Variants in IQUB observed in about 807,000 individuals in gnomAD.
The protein encoded by IQUB is IQ motif and ubiquitin-like domain-containing protein.
A neutral mutation model predicts 86.4 loss-of-function variants in IQUB; 86 were observed. That is an observed-to-expected ratio of 1.00 (90% CI 0.84 to 1.19). IQUB has a LOEUF of 1.19. Among genes scored for constraint, IQUB ranks in the 50% most tolerant of loss-of-function variants. IQUB has a pLI of 0.00. For missense variants in IQUB, 946 were observed against 916.9 expected (o/e 1.03, Z -0.41); for synonymous variants, 289 against 304.5 (o/e 0.95, Z 0.53).
At chr7:123,475,352 T>C (rs1370495404) in intron 8 of IQUB, among the ~76,000 whole-genome samples, 1 of 149,210 alleles carries the variant, frequency 6.7e-6, no homozygotes, top group African/African-American at 2.5e-5. Context: ...GTAAACAGAA[T>C]TTTAAAATTT....
At chr7:123,459,856 CA>C (rs1755482732) in intron 11 of IQUB, 1 of 151,860 alleles carries the variant, frequency 6.6e-6, no homozygotes, top group Admixed American at 6.6e-5. Context: ...AAATAAACAT[CA>C]AATTTATTAA....
intron 3 of IQUB, among the ~76,000 whole-genome samples, chr7:123,505,140 G>A (rs1156355483): frequency 1.3e-5 from 2 of 152,198 alleles, no homozygotes; most frequent in Admixed American, 6.5e-5. Flanking sequence ...ACAGGCCACA[G>A]TGATGCAAGG....
chr7:123,465,974 G>A (rs1474710604), intron 9 of IQUB, among the ~76,000 whole-genome samples: 1 of 151,810 alleles, frequency 6.6e-6, no homozygotes, highest in African/African-American at 2.4e-5. Flanking sequence ...AAAATTCACT[G>A]GTCTGTATTA....
Position 123,479,881 on chromosome 7 carries a change from T to C in IQUB, c.1324A>G (p.Thr442Ala), listed in dbSNP as rs111558568. 7.4e-6 allele frequency: 12 copies of C among 1,612,966 alleles called. No individual in the cohort carries two copies. The Admixed American group carries it at 2.0e-4, about 27-fold the overall frequency. Residue 442 changes from threonine (T) to alanine (A), a missense_variant, in exon 8 of 13, where the codon ACT becomes GCT. Thr to Ala is a moderately conservative substitution (Grantham distance 58). Transcript: ENST00000324698. ...AALCELLEKE[T>A]QIIASIGRHR... The stretch of plus-strand genomic sequence containing the variant: ...CTCCCAATGGAAGCAATTATCTGAG[T>C]CTCTTTTTCCAGAAGTTCACACAGA...
intron 8 of IQUB, among the ~76,000 whole-genome samples, chr7:123,473,707 C>T (rs190900193): frequency 1.5e-4 from 22 of 150,560 alleles, no homozygotes; most frequent in Admixed American, 1.2e-3. Flanking sequence ...TCCCGAGTAG[C>T]TGGGATTACA....
At position 123,469,397 on chromosome 7, in the gene IQUB, A is replaced by C. The variant is rs1794424072; in HGVS notation, c.1411-13T>G. 1 of 1,482,872 alleles carries C rather than the reference A, an allele frequency of 6.7e-7. No homozygotes were observed. Among genetic ancestry groups the C allele is most frequent in the South Asian group, 1.3e-5 (1 of 74,644 alleles). The allele number at this position is 1,482,872 out of a possible 1,614,324, so 91.9% of individuals were successfully genotyped here. A position where few individuals can be genotyped will look rare whatever the true frequency, so the allele number is the denominator to read the frequency against. Reference sequence around the variant, plus strand: ...TTGGAGCTGAACACTTAAAAATAATATTATGTTTATAATTATCAGTTAATT... The same window carrying C: ...TTGGAGCTGAACACTTAAAAATAATCTTATGTTTATAATTATCAGTTAATT... On this transcript the variant is annotated splice_polypyrimidine_tract_variant and intron_variant, in intron 8 of 12. Coordinates refer to ENST00000324698, the MANE Select transcript of IQUB (RefSeq NM_178827.5).
intron 1 of IQUB, among the ~76,000 whole-genome samples, chr7:123,524,775 T>A (rs1368148190): frequency 1.3e-5 from 2 of 148,322 alleles, no homozygotes; most frequent in African/African-American, 2.5e-5. Flanking sequence ...CCCTGTCTTG[T>A]GCCAGTTTTC....
Position 123,529,420 on chromosome 7 carries a change from C to G in IQUB, c.-5+5072G>C, listed in dbSNP as rs992165346. Among the ~76,000 whole-genome samples the G allele has an allele frequency of 3.3e-5, 5 of 151,256 alleles. No individual in the cohort carries two copies. In the South Asian group the frequency reaches 6.2e-4, roughly 19 times the overall value. On this transcript the variant is annotated intron_variant, in intron 1 of 12. Coordinates refer to ENST00000324698, the MANE Select transcript of IQUB (RefSeq NM_178827.5). ...ACTTCACAGTAACTTCTTTGCAAGG[C>G]TAAGCCACATGGTAGTCAACTGTTG...
In IQUB at chr7:123,502,589, T is replaced by C. The variant is rs1404861048; in HGVS notation, c.1023+8A>G. ...TTTAGTATTCATCCACAATAAAAGT[T>C]ATCTCACCGCCTTTAGTCTTTGAGC... On this transcript the variant is annotated splice_region_variant and intron_variant, in intron 6 of 12. Transcript: ENST00000324698. 1.2e-6 allele frequency: 2 copies of C among 1,607,714 alleles called. No homozygotes were observed. Among genetic ancestry groups the C allele is most frequent in the East Asian group, 2.2e-5 (1 of 44,800 alleles).
chr7:123,482,268 A>G (rs2117088836), intron 7 of IQUB, among the ~76,000 whole-genome samples: 1 of 152,204 alleles, frequency 6.6e-6, no homozygotes, highest in Non-Finnish European at 1.5e-5. Context: ...AAAATGCATT[A>G]ATCTAAGACA....
chr7:123,494,707 T>A (rs998452786), intron 7 of IQUB, among the ~76,000 whole-genome samples: 1 of 152,138 alleles, frequency 6.6e-6, no homozygotes, highest in Non-Finnish European at 1.5e-5. Context: ...TAGGTCCTTG[T>A]ACTTTTTGAA....
intron 1 of IQUB, among the ~76,000 whole-genome samples, chr7:123,527,075 T>C (rs1481935141): frequency 6.6e-6 from 1 of 152,230 alleles, no homozygotes. Context: ...TCATCTTCCA[T>C]CGCTGATACC....
chr7:123,500,109 A>T (rs553895725), intron 6 of IQUB, among the ~76,000 whole-genome samples: 1 of 152,238 alleles, frequency 6.6e-6, no homozygotes, highest in Non-Finnish European at 1.5e-5. Context: ...TTAGCATATC[A>T]TCAAGAAATA....
chr7:123,460,576 T>C (rs1793931835), intron 11 of IQUB, among the ~76,000 whole-genome samples: 1 of 151,958 alleles, frequency 6.6e-6, no homozygotes, highest in Non-Finnish European at 1.5e-5. Flanking sequence ...TTGTGCTCTA[T>C]AATATACTTT....
chr7:123,498,571 T>G (rs1795806357), intron 6 of IQUB, among the ~76,000 whole-genome samples: 1 of 152,214 alleles, frequency 6.6e-6, no homozygotes, highest in African/African-American at 2.4e-5. Flanking sequence ...CACAGTTGTT[T>G]AAACAACACA....
chr7:123,507,523 T>C (rs1359334825), intron 3 of IQUB, among the ~76,000 whole-genome samples: 1 of 152,200 alleles, frequency 6.6e-6, no homozygotes, highest in Non-Finnish European at 1.5e-5. Context: ...TTTGGCTATG[T>C]TCAAGAAAGC....
intron 12 of IQUB, among the ~76,000 whole-genome samples, chr7:123,454,279 C>A (rs1188300434): frequency 6.6e-6 from 1 of 151,798 alleles, no homozygotes; most frequent in Non-Finnish European, 1.5e-5. Context: ...TTTCAAGGTG[C>A]CTTTACAGTA....
chr7:123,477,778 A>C (rs1794812088), intron 8 of IQUB, among the ~76,000 whole-genome samples: 1 of 152,238 alleles, frequency 6.6e-6, no homozygotes, highest in Non-Finnish European at 1.5e-5. Context: ...AAAAGTGGGC[A>C]TAGGATATGA....
chr7:123,479,626 A>G (rs1794903986), intron 8 of IQUB, among the ~76,000 whole-genome samples, 169 bp downstream of exon 8: 1 of 152,168 alleles, frequency 6.6e-6, no homozygotes, highest in Non-Finnish European at 1.5e-5. Context: ...TGCTATTAAA[A>G]TCTAAAGCTA....
Sources: gnomAD v4.1 joint callset for allele counts (sites outside exome capture counted in the v4.1 genomes callset) on GRCh38, gnomAD v4.1.1 for gene constraint, MANE v1.5 for transcripts, NCBI Gene and HGNC (gene_info 2026-07-23, HGNC 2026-07-21) for gene names.